Variants in PAFAH1B1 observed in about 807,000 individuals in gnomAD.
The protein encoded by PAFAH1B1 is platelet-activating factor acetylhydrolase IB subunit beta.
A neutral mutation model predicts 57.5 loss-of-function variants in PAFAH1B1; 2 were observed. That is an observed-to-expected ratio of 0.03 (90% CI 0.01 to 0.11). The LOEUF is 0.11. PAFAH1B1 is among the 10% of genes least tolerant of loss of function. The pLI is 1.00. For synonymous variants in PAFAH1B1, 152 were observed against 169.6 expected (o/e 0.90, Z 0.81); for missense variants, 257 against 512.0 (o/e 0.50, Z 4.81).
chr17:2,596,922 C>T (rs1481819269), intron 1 of PAFAH1B1, among the ~76,000 whole-genome samples: 1 of 152,026 alleles, frequency 6.6e-6, no homozygotes, highest in East Asian at 1.9e-4. Context: ...TTAGCCATGT[C>T]TTGTGCCATG....
intron 9 of PAFAH1B1, among the ~76,000 whole-genome samples, chr17:2,677,664 C>T (rs1240210407): frequency 6.6e-6 from 1 of 151,906 alleles, no homozygotes; most frequent in East Asian, 1.9e-4. Context: ...ACCATCCTGG[C>T]TAACATGGTG....
At chr17:2,647,856 T>C (rs1314808255) in intron 2 of PAFAH1B1, among the ~76,000 whole-genome samples, 1 of 151,522 alleles carries the variant, frequency 6.6e-6, no homozygotes, top group East Asian at 2.0e-4. Flanking sequence ...TACAAAAAAT[T>C]AGCCGGGCAT....
chr17:2,675,637 T>TA (rs1035043664), intron 8 of PAFAH1B1, among the ~76,000 whole-genome samples: 1 of 150,960 alleles, frequency 6.6e-6, no homozygotes, highest in Non-Finnish European at 1.5e-5. Flanking sequence ...CAGAAAACTT[T>TA]TTTTTTTTTT....
At chr17:2,678,400 CAAAAAAAA>C (rs11394999) in intron 9 of PAFAH1B1, among the ~76,000 whole-genome samples, 3 of 81,016 alleles carry the variant, frequency 3.7e-5, no homozygotes, top group Non-Finnish European at 7.4e-5. Flanking sequence ...GAAACCATCT[CAAAAAAAA>C]AAAAAAAAAA....
Position 2,684,892 on chromosome 17 carries a change from CT to C in PAFAH1B1, c.*3093del, listed in dbSNP as rs2069451530. ...TCGCCTCTTTCTGTTTCTGTGTGAACTTTCCCGGTAATATCACTCGTTAAAT... is the reference window on the plus strand; with the variant it reads ...TCGCCTCTTTCTGTTTCTGTGTGAACTTCCCGGTAATATCACTCGTTAAAT... On this transcript the variant is annotated 3_prime_UTR_variant, in exon 11 of 11. Transcript: ENST00000397195. 1.3e-5 allele frequency: 2 copies of C among 152,494 alleles called. No individual in the cohort carries two copies. The highest frequency in any genetic ancestry group is 6.5e-5 in the Admixed American group (1 of 15,304). The allele number at this position is 152,494 out of a possible 1,614,324, so 9.4% of individuals were successfully genotyped here.
chr17:2,650,108 G>A (rs1348632471), intron 2 of PAFAH1B1, among the ~76,000 whole-genome samples: 1 of 152,214 alleles, frequency 6.6e-6, no homozygotes, highest in African/African-American at 2.4e-5. Flanking sequence ...AAACAGGCCA[G>A]GCACTGTGGC....
intron 1 of PAFAH1B1, among the ~76,000 whole-genome samples, chr17:2,598,321 G>C (rs1597505772): frequency 6.6e-6 from 1 of 152,088 alleles, no homozygotes; most frequent in Non-Finnish European, 1.5e-5. Flanking sequence ...TTAGGGCAGA[G>C]TGAATTTTCA....
intron 1 of PAFAH1B1, among the ~76,000 whole-genome samples, chr17:2,609,234 T>C (rs1468712963): frequency 6.6e-6 from 1 of 152,158 alleles, no homozygotes; most frequent in African/African-American, 2.4e-5. Context: ...GGTCTCAGAC[T>C]CCTGGGCTCA....
At chr17:2,670,014 A>ATGAG (rs2069158902) in intron 5 of PAFAH1B1, 149 bp from the exon 6 acceptor site, 1 of 726,636 alleles carries the variant, frequency 1.4e-6, no homozygotes, top group Non-Finnish European at 2.5e-6. Context: ...CAATTTATAC[A>ATGAG]TGAGATACAA....
At chr17:2,617,123 CTT>C (rs1013137453) in intron 1 of PAFAH1B1, among the ~76,000 whole-genome samples, 8 of 152,110 alleles carry the variant, frequency 5.3e-5, no homozygotes, top group African/African-American at 1.9e-4. Flanking sequence ...CCAGATATGA[CTT>C]ATATTGTGTT....
intron 9 of PAFAH1B1, chr17:2,679,581 G>T (rs1459916903): frequency 7.0e-6 from 1 of 143,350 alleles, no homozygotes. Context: ...TGGATGATTG[G>T]ATGGATAGAT....
At chr17:2,625,359 C>T (rs1034095024) in intron 1 of PAFAH1B1, among the ~76,000 whole-genome samples, 4 of 152,158 alleles carry the variant, frequency 2.6e-5, no homozygotes, top group South Asian at 2.1e-4. Flanking sequence ...ATTAAATCTT[C>T]TTATTCGTTA....
intron 1 of PAFAH1B1, among the ~76,000 whole-genome samples, chr17:2,602,372 A>G (rs2068154236): frequency 6.6e-6 from 1 of 152,210 alleles, no homozygotes; most frequent in Non-Finnish European, 1.5e-5. Flanking sequence ...AGCACAGAAG[A>G]CATCTAGGAT....
chr17:2,656,199 C>G (rs2068934446), intron 2 of PAFAH1B1, among the ~76,000 whole-genome samples: 1 of 152,140 alleles, frequency 6.6e-6, no homozygotes, highest in Non-Finnish European at 1.5e-5. Context: ...GCTGGGATTA[C>G]AGGCGTGAGC....
intron 1 of PAFAH1B1, among the ~76,000 whole-genome samples, chr17:2,595,555 G>T (rs922905166): frequency 6.6e-6 from 1 of 151,456 alleles, no homozygotes; most frequent in South Asian, 2.1e-4. Flanking sequence ...AAAAAATTCT[G>T]ATTTGGTTTT....
chr17:2,652,378 G>C (rs556781567), intron 2 of PAFAH1B1, among the ~76,000 whole-genome samples: 1 of 152,362 alleles, frequency 6.6e-6, no homozygotes, highest in East Asian at 1.9e-4. Flanking sequence ...TCGCGCCACT[G>C]CACTCCAGCC....
At chr17:2,658,889 A>G (rs1233800919) in intron 2 of PAFAH1B1, among the ~76,000 whole-genome samples, 1 of 152,198 alleles carries the variant, frequency 6.6e-6, no homozygotes, top group African/African-American at 2.4e-5. Flanking sequence ...TATAAGACCT[A>G]TGGCCAGGAA....
In PAFAH1B1 at chr17:2,646,490, TAA is replaced by T. The variant is rs1383781645; in HGVS notation, c.32+8174_32+8175del. On this transcript the variant is annotated intron_variant, in intron 2 of 10. Transcript: ENST00000397195. ...CAACATGGTGAAGCCCCATCTCTACTAAAAATACAAAAATTAGCCGGGTGTGG... is the reference window on the plus strand; with the variant it reads ...CAACATGGTGAAGCCCCATCTCTACTAAATACAAAAATTAGCCGGGTGTGG... Among the ~76,000 whole-genome samples, 4 of 152,108 alleles carry T rather than the reference TAA, an allele frequency of 2.6e-5. No individual in the cohort carries two copies. The East Asian group carries it at 7.8e-4, about 29-fold the overall frequency.
intron 1 of PAFAH1B1, among the ~76,000 whole-genome samples, chr17:2,615,836 T>G (rs1251240115): frequency 6.6e-6 from 1 of 152,176 alleles, no homozygotes; most frequent in African/African-American, 2.4e-5. Flanking sequence ...CTAACATGTT[T>G]GATCAGTCTG....
Sources: allele counts gnomAD v4.1 joint callset (sites outside exome capture counted in the v4.1 genomes callset), GRCh38; gene constraint gnomAD v4.1.1; transcripts MANE v1.5; gene names NCBI Gene and HGNC (gene_info 2026-07-23, HGNC 2026-07-21).